The following CHN1 variants were observed in gnomAD, a reference collection of about 807,000 sequenced individuals.
The protein encoded by CHN1 is N-chimaerin.
CHN1 carries 37 observed loss-of-function variants against 59.5 expected under a neutral mutation model. The ratio of observed to expected loss-of-function variants is 0.62; its 90% CI spans 0.48 to 0.82. The LOEUF is 0.82. Among genes scored for constraint, CHN1 ranks in the 40% least tolerant of loss-of-function variants. The probability of loss-of-function intolerance (pLI) is 0.00; values close to 1 mark genes in which losing one functional copy is unlikely to be tolerated. For synonymous variants in CHN1, 206 were observed against 200.4 expected, an observed-to-expected ratio of 1.03 and a Z score of -0.24; for missense variants, 469 against 571.0, an observed-to-expected ratio of 0.82 and a Z score of 1.82.
intron 1 of CHN1, among the ~76,000 whole-genome samples, chr2:174,985,733 T>G (rs534418161): frequency 2.0e-5 from 3 of 152,310 alleles, no homozygotes; most frequent in African/African-American, 7.2e-5. Context: ...AAATGTTAAA[T>G]TGAAGCTCAT....
chr2:174,896,329 C>T (rs1263085903), intron 5 of CHN1, among the ~76,000 whole-genome samples: 1 of 152,090 alleles, frequency 6.6e-6, no homozygotes, highest in African/African-American at 2.4e-5. Context: ...GTATTCTCCT[C>T]CCTCTTCTTA....
chr2:174,813,948 T>C (rs1207718787), intron 8 of CHN1, among the ~76,000 whole-genome samples: 1 of 152,270 alleles, frequency 6.6e-6, no homozygotes, highest in Non-Finnish European at 1.5e-5. Flanking sequence ...ATCATTATCA[T>C]GACTTTTGGT....
intron 1 of CHN1, among the ~76,000 whole-genome samples, chr2:174,967,084 C>T (rs757598575): frequency 3.3e-5 from 5 of 152,142 alleles, no homozygotes; most frequent in Admixed American, 3.3e-4. Context: ...GGGACTCACA[C>T]CTGTAATCCC....
intron 1 of CHN1, among the ~76,000 whole-genome samples, chr2:174,968,454 A>C (rs1033645923): frequency 3.9e-5 from 6 of 152,268 alleles, no homozygotes; most frequent in Non-Finnish European, 7.3e-5. Flanking sequence ...GCGGAGTTGG[A>C]TAATTCTAAA....
rs1293466152 is a variant in CHN1, at chr2:175,002,031, G to A, written c.19+2863C>T. Among the ~76,000 whole-genome samples, 4 of 152,186 alleles carry A rather than the reference G, an allele frequency of 2.6e-5. No individual in the cohort carries two copies. In the East Asian group the frequency reaches 7.7e-4, roughly 29 times the overall value. ...ACGGAATTAGGTAATTAGTGAATTA[G>A]GTGCATTCGCTATAGTTCTAGAAAA... On this transcript the variant is annotated intron_variant, in intron 1 of 12. Coordinates refer to ENST00000409900, the MANE Select transcript of CHN1 (RefSeq NM_001822.7).
chr2:174,870,299 T>C (rs1016362484), intron 6 of CHN1, among the ~76,000 whole-genome samples: 6 of 152,194 alleles, frequency 3.9e-5, no homozygotes, highest in Admixed American at 2.6e-4. Context: ...TGCAATATAA[T>C]GTCTACGTTT....
intron 5 of CHN1, among the ~76,000 whole-genome samples, chr2:174,908,437 G>T (rs1302364907): frequency 1.3e-5 from 2 of 151,980 alleles, no homozygotes; most frequent in Non-Finnish European, 2.9e-5. Context: ...AGCCTTCAAT[G>T]ACTCCCATTT....
chr2:174,893,045 T>G (rs1324517437), intron 5 of CHN1, among the ~76,000 whole-genome samples: 2 of 152,166 alleles, frequency 1.3e-5, no homozygotes, highest in Non-Finnish European at 2.9e-5. Flanking sequence ...AAGCTCTTCC[T>G]CTAAGATCAG....
At chr2:174,962,137 T>G (rs1328378339) in intron 1 of CHN1, among the ~76,000 whole-genome samples, 1 of 151,896 alleles carries the variant, frequency 6.6e-6, no homozygotes, top group African/African-American at 2.4e-5. Context: ...ATACGAAAAT[T>G]AGCCGGGCGG....
At chr2:174,815,439 ACTTAT>A (rs1441152085) in intron 8 of CHN1, among the ~76,000 whole-genome samples, 3 of 152,164 alleles carry the variant, frequency 2.0e-5, no homozygotes, top group Admixed American at 6.5e-5. Context: ...GATAATTTCT[ACTTAT>A]CTTCACTTCA....
intron 6 of CHN1, among the ~76,000 whole-genome samples, chr2:174,865,300 A>G (rs913556456): frequency 3.3e-5 from 5 of 152,162 alleles, no homozygotes; most frequent in African/African-American, 1.2e-4. Context: ...CTTTTGGTAA[A>G]CTAACTACTT....
intron 7 of CHN1, among the ~76,000 whole-genome samples, chr2:174,838,201 C>A (rs550742806): frequency 3.9e-5 from 6 of 152,200 alleles, no homozygotes; most frequent in African/African-American, 1.4e-4. Flanking sequence ...TTAAGCAATT[C>A]TTCTGCCTCA....
chr2:174,843,367 G>A (rs1686382475), intron 7 of CHN1, among the ~76,000 whole-genome samples: 2 of 152,072 alleles, frequency 1.3e-5, no homozygotes, highest in African/African-American at 4.8e-5. Context: ...AGCCTCCAGA[G>A]GAGCTGGGAC....
At chr2:174,803,732 T>C (rs1251202264) in intron 11 of CHN1, among the ~76,000 whole-genome samples, 1 of 151,940 alleles carries the variant, frequency 6.6e-6, no homozygotes, top group Non-Finnish European at 1.5e-5. Context: ...ATGTTAATTT[T>C]TTATGGAGAC....
At chr2:174,942,047 A>C (rs1457345750) in intron 3 of CHN1, among the ~76,000 whole-genome samples, 1 of 152,220 alleles carries the variant, frequency 6.6e-6, no homozygotes, top group Non-Finnish European at 1.5e-5. Flanking sequence ...GGGAATTCAT[A>C]CACTGATGGT....
intron 3 of CHN1, among the ~76,000 whole-genome samples, chr2:174,927,940 G>A (rs867478248): frequency 1.3e-5 from 2 of 152,212 alleles, no homozygotes; most frequent in Non-Finnish European, 1.5e-5. Flanking sequence ...ACAGTCTAGA[G>A]AATATGTATA....
chr2:174,846,923 T>C lies in CHN1; in HGVS notation c.584A>G (p.Glu195Gly). ...TTCATATTTTGGAATTTGCTCGTTT[T>C]CTTTCAGAGTTGCTCTTCTAACAAG... ...TSLVRRATLK[E>G]NEQIPKYEKI... Residue 195 changes from glutamate (E) to glycine (G), a missense_variant, in exon 7 of 13, where the codon GAA becomes GGA. Glu to Gly is a moderately conservative substitution (Grantham distance 98). This residue lies in a region of CHN1 where 81 missense variants were observed against 71.7 expected (regional missense o/e 1.13). Coordinates refer to ENST00000409900, the MANE Select transcript of CHN1 (RefSeq NM_001822.7). 2.6e-6 allele frequency: 4 copies of C among 1,553,114 alleles called. No homozygotes were observed. The highest frequency in any genetic ancestry group is 3.5e-6 in the Non-Finnish European group (4 of 1,147,508).
intron 6 of CHN1, among the ~76,000 whole-genome samples, chr2:174,871,851 A>C (rs1357020895): frequency 6.6e-6 from 1 of 152,230 alleles, no homozygotes; most frequent in Non-Finnish European, 1.5e-5. Flanking sequence ...TCCAGACCCT[A>C]GCCTGTTTCC....
intron 1 of CHN1, among the ~76,000 whole-genome samples, chr2:174,967,370 A>G (rs1356123695): frequency 1.3e-5 from 2 of 152,184 alleles, no homozygotes. Context: ...ATTAAATTAA[A>G]TTAAATTAAA....
Sources: allele counts gnomAD v4.1 joint callset (sites outside exome capture counted in the v4.1 genomes callset), GRCh38; gene constraint gnomAD v4.1.1; regional missense constraint gnomAD v4.1.1; transcripts MANE v1.5; gene names NCBI Gene and HGNC (gene_info 2026-07-23, HGNC 2026-07-21).